The following SULT6B1 variants were observed in gnomAD, a reference collection of about 807,000 sequenced individuals.
SULT6B1 encodes the protein sulfotransferase family 6B member 1.
Under a neutral mutation model 37.2 loss-of-function variants are expected in SULT6B1, and 44 were observed. The ratio of observed to expected loss-of-function variants is 1.18; its 90% CI spans 0.93 to 1.52. SULT6B1 has a LOEUF of 1.52. Among genes scored for constraint, SULT6B1 ranks in the 40% most tolerant of loss-of-function variants. The pLI is 0.00. For synonymous variants in SULT6B1, 140 were observed against 126.0 expected, an observed-to-expected ratio of 1.11 and a Z score of -0.74; for missense variants, 450 against 361.0, an observed-to-expected ratio of 1.25 and a Z score of -2.00.
chr2:37,170,157 G>C (rs1017475590), intron 6 of SULT6B1, among the ~76,000 whole-genome samples: 3 of 152,158 alleles, frequency 2.0e-5, no homozygotes, highest in African/African-American at 7.2e-5. Context: ...TGCAAGGAAA[G>C]TGGCCAATGA....
chr2:37,169,775 G>A (rs1044893068), intron 6 of SULT6B1, among the ~76,000 whole-genome samples: 5 of 152,186 alleles, frequency 3.3e-5, no homozygotes, highest in Non-Finnish European at 5.9e-5. Context: ...TTACAGGCAT[G>A]AGCCACCATG....
In SULT6B1 at chr2:37,171,595, A is replaced by G; in HGVS notation, c.625-5T>C. ...TTTTATTCCAGCAGCCAGATTCTGTAAAAAAATTTTCTTAAAGATAAATTT... is the reference window on the plus strand; with the variant it reads ...TTTTATTCCAGCAGCCAGATTCTGTGAAAAAATTTTCTTAAAGATAAATTT... On this transcript the variant is annotated splice_region_variant and splice_polypyrimidine_tract_variant and intron_variant, in intron 5 of 6. Coordinates refer to ENST00000535679, the MANE Select transcript of SULT6B1 (RefSeq NM_001367551.1). 1 of 1,607,934 alleles carries G rather than the reference A, an allele frequency of 6.2e-7. No homozygotes were observed. The highest frequency in any genetic ancestry group is 1.1e-5 in the South Asian group (1 of 89,782).
At chr2:37,174,704 C>T (rs1217800663) in intron 5 of SULT6B1, among the ~76,000 whole-genome samples, 1 of 152,150 alleles carries the variant, frequency 6.6e-6, no homozygotes, top group Non-Finnish European at 1.5e-5. Flanking sequence ...CGATCTTTGC[C>T]TTGTCTGTTC....
chr2:37,188,802 G>A (rs1321288202), upstream of SULT6B1, among the ~76,000 whole-genome samples: 1 of 152,048 alleles, frequency 6.6e-6, no homozygotes, highest in Non-Finnish European at 1.5e-5. Flanking sequence ...TATCCTCCTG[G>A]GAAAAGCTAA....
intron 1 of SULT6B1, 21 bp from the exon 2 acceptor site, chr2:37,187,488 T>A: frequency 6.8e-7 from 1 of 1,460,788 alleles, no homozygotes; most frequent in African/African-American, 1.4e-5. Flanking sequence ...AATCAGAGAA[T>A]AAAAACTCAT....
chr2:37,173,861 C>T (rs1676357561), intron 5 of SULT6B1, among the ~76,000 whole-genome samples: 1 of 152,178 alleles, frequency 6.6e-6, no homozygotes, highest in Non-Finnish European at 1.5e-5. Flanking sequence ...ATTTGCTTTG[C>T]CCCAGTTCAT....
chr2:37,182,996 G>A (rs1210913906), intron 3 of SULT6B1, among the ~76,000 whole-genome samples: 2 of 152,148 alleles, frequency 1.3e-5, no homozygotes, highest in East Asian at 3.8e-4. Flanking sequence ...ACCAGCCTGG[G>A]CAACATAGTG....
chr2:37,188,739 T>C (rs1018565198), upstream of SULT6B1: 2 of 549,398 alleles, frequency 3.6e-6, no homozygotes, highest in African/African-American at 1.9e-5. Context: ...CTCCTCCCAG[T>C]CACATGAAAA....
chr2:37,179,129 T>C (rs555725062), intron 4 of SULT6B1, among the ~76,000 whole-genome samples: 23 of 152,302 alleles, frequency 1.5e-4, no homozygotes, highest in African/African-American at 5.3e-4. Flanking sequence ...AGGCTAATTT[T>C]TTGTATTTTT....
chr2:37,169,789 G>A (rs1405808616), intron 6 of SULT6B1, among the ~76,000 whole-genome samples: 2 of 152,120 alleles, frequency 1.3e-5, no homozygotes, highest in African/African-American at 2.4e-5. Context: ...CACCATGTCC[G>A]GCCTTAGAAC....
chr2:37,185,008 T>G (rs1240632808), intron 2 of SULT6B1, among the ~76,000 whole-genome samples: 1 of 152,254 alleles, frequency 6.6e-6, no homozygotes, highest in African/African-American at 2.4e-5. Context: ...ATTTTCATGC[T>G]CATTCACAAC....
intron 1 of SULT6B1, among the ~76,000 whole-genome samples, chr2:37,193,855 C>G (rs192840181): frequency 3.5e-4 from 53 of 152,304 alleles, no homozygotes; most frequent in Non-Finnish European, 6.8e-4. Context: ...TTGCATCCCT[C>G]TACCAGAGTT....
At chr2:37,187,329 T>A (rs1272997193) in intron 2 of SULT6B1, 26 bp downstream of exon 2, 2 of 1,400,250 alleles carry the variant, frequency 1.4e-6, no homozygotes, top group East Asian at 2.3e-5. Flanking sequence ...TAATTTGCTG[T>A]AAGGTTAAAG....
intron 6 of SULT6B1, among the ~76,000 whole-genome samples, chr2:37,169,806 G>A (rs751165789): frequency 3.9e-5 from 6 of 152,080 alleles, no homozygotes; most frequent in Non-Finnish European, 8.8e-5. Context: ...GAACTTCAGT[G>A]TTTTTTACAA....
Position 37,188,643 on chromosome 2 carries a change from T to C in SULT6B1, c.-3A>G, listed in dbSNP as rs1410044608. On this transcript the variant is annotated 5_prime_UTR_variant, in exon 1 of 7. Coordinates refer to ENST00000535679, the MANE Select transcript of SULT6B1 (RefSeq NM_001367551.1). ...ATAAATTTGGATTTATCAGCCATGG[T>C]GGCTCCCTGTAAAAGAACCTGCTCT... The C allele has an allele frequency of 2.7e-6, 3 of 1,100,898 alleles. No individual in the cohort carries two copies. The highest frequency in any genetic ancestry group is 1.3e-5 in the South Asian group (1 of 77,190). The allele number at this position is 1,100,898 out of a possible 1,614,324, so 68.2% of individuals were successfully genotyped here. A position where few individuals can be genotyped will look rare whatever the true frequency, so the allele number is the denominator to read the frequency against.
upstream of SULT6B1, among the ~76,000 whole-genome samples, chr2:37,190,634 C>T (rs943038696): frequency 2.6e-5 from 4 of 152,110 alleles, no homozygotes; most frequent in African/African-American, 7.2e-5. Flanking sequence ...AGGTTTTAAT[C>T]GGAGAGCCAG....
At chr2:37,175,427 A>G (rs576490716) in intron 4 of SULT6B1, among the ~76,000 whole-genome samples, 1 of 152,202 alleles carries the variant, frequency 6.6e-6, no homozygotes, top group African/African-American at 2.4e-5. Context: ...TACCTTTTGG[A>G]ACATTTTTCA....
In SULT6B1 at chr2:37,179,482, A is replaced by C. The variant is rs754495269; in HGVS notation, c.505T>G (p.Phe169Val). The C allele has an allele frequency of 1.9e-6, 3 of 1,614,054 alleles. No individual in the cohort carries two copies. In the South Asian group the frequency reaches 3.3e-5, roughly 18 times the overall value. Residue 169 changes from phenylalanine to valine, a missense_variant, in exon 4 of 7, where the codon TTC becomes GTC. Physicochemically the swap from Phe to Val is conservative, Grantham distance 50. Coordinates refer to ENST00000535679, the MANE Select transcript of SULT6B1 (RefSeq NM_001367551.1). ...CCTTGTCCTTTCATGAACTGTCTGA[A>C]GAATTCATCCCAAGAGCCATAGCTT... ...IPSYGSWDEFFRQFMKGQVSW... is the reference protein window; with the variant it reads ...IPSYGSWDEFVRQFMKGQVSW...
intron 2 of SULT6B1, among the ~76,000 whole-genome samples, chr2:37,186,041 T>C (rs1361682310): frequency 1.3e-5 from 2 of 152,096 alleles, no homozygotes; most frequent in African/African-American, 4.8e-5. Context: ...TCTGAGTCCC[T>C]TTACCATGTG....
Sources: gnomAD v4.1 joint callset for allele counts (sites outside exome capture counted in the v4.1 genomes callset) on GRCh38, gnomAD v4.1.1 for gene constraint, MANE v1.5 for transcripts, NCBI Gene and HGNC (gene_info 2026-07-23, HGNC 2026-07-21) for gene names.